Variants in DIAPH2 observed in about 807,000 individuals in gnomAD.
DIAPH2 encodes the protein diaphanous related formin 2.
Under a neutral mutation model 92.7 loss-of-function variants are expected in DIAPH2, and 35 were observed. The ratio of observed to expected loss-of-function variants is 0.38; its 90% confidence interval spans 0.29 to 0.50. The LOEUF is 0.50. Ranked by LOEUF, DIAPH2 falls within the 20% of genes least tolerant of loss-of-function variation. The pLI is 0.94. For missense variants in DIAPH2, 701 were observed against 819.5 expected, an observed-to-expected ratio of 0.86 and a Z score of 1.77; for synonymous variants, 301 against 280.4, an observed-to-expected ratio of 1.07 and a Z score of -0.73.
intron 17 of DIAPH2, among the ~76,000 whole-genome samples, chrX:97,005,715 A>G (rs1321104762): frequency 9.2e-6 from 1 of 109,083 alleles, no homozygotes; most frequent in African/African-American, 3.3e-5. Context: ...AATTTTTTGT[A>G]TTTTTGGTAG....
intron 23 of DIAPH2, among the ~76,000 whole-genome samples, chrX:97,339,068 C>T (rs1026276233): frequency 2.7e-5 from 3 of 111,682 alleles, no homozygotes; most frequent in Non-Finnish European, 5.6e-5. Context: ...TAAGTCCATA[C>T]TGTTAGTATA....
At chrX:97,055,519 G>A (rs2066550736) in intron 17 of DIAPH2, among the ~76,000 whole-genome samples, 1 of 111,412 alleles carries the variant, frequency 9.0e-6, no homozygotes, top group Admixed American at 9.5e-5. Flanking sequence ...ATATTTATTT[G>A]GAGGTCCTGT....
intron 17 of DIAPH2, among the ~76,000 whole-genome samples, chrX:97,018,762 T>A (rs912716691): frequency 8.9e-6 from 1 of 111,982 alleles, no homozygotes; most frequent in South Asian, 3.8e-4. Flanking sequence ...ATAATCAATA[T>A]TGGTACATTA....
intron 5 of DIAPH2, among the ~76,000 whole-genome samples, chrX:96,910,660 T>C (rs967694028): frequency 1.8e-5 from 2 of 111,579 alleles, no homozygotes; most frequent in Admixed American, 9.6e-5. Flanking sequence ...GCCAGTAAAT[T>C]TAATTAAATT....
intron 26 of DIAPH2, among the ~76,000 whole-genome samples, chrX:97,497,525 G>C (rs1354214440): frequency 9.1e-6 from 1 of 109,378 alleles, no homozygotes; most frequent in Non-Finnish European, 1.9e-5. Flanking sequence ...TGTAACGGAG[G>C]CCAGGCACAG....
At chrX:96,743,246 T>C (rs1273336611) in intron 3 of DIAPH2, among the ~76,000 whole-genome samples, 1 of 111,940 alleles carries the variant, frequency 8.9e-6, no homozygotes, top group East Asian at 2.8e-4. Context: ...TACTATCATA[T>C]TGTGTTATAA....
chrX:97,145,058 C>T (rs913863057), intron 22 of DIAPH2, among the ~76,000 whole-genome samples: 12 of 112,063 alleles, frequency 1.1e-4, no homozygotes, highest in Admixed American at 7.5e-4. Context: ...AGCCACCGCA[C>T]CAGGCCTGAC....
chrX:97,523,373 T>A (rs2147846574), intron 26 of DIAPH2, among the ~76,000 whole-genome samples: 1 of 111,843 alleles, frequency 8.9e-6, no homozygotes, highest in Non-Finnish European at 1.9e-5. Flanking sequence ...TAACCTCAGA[T>A]ATGGAGATAA....
intron 26 of DIAPH2, among the ~76,000 whole-genome samples, chrX:97,461,488 G>A (rs1028405301): frequency 2.7e-5 from 3 of 111,383 alleles, no homozygotes; most frequent in African/African-American, 9.8e-5. Flanking sequence ...GCTTGAACAC[G>A]CTGTTACAGA....
At chrX:96,964,782 C>T (rs1242122056) in intron 16 of DIAPH2, among the ~76,000 whole-genome samples, 1 of 110,976 alleles carries the variant, frequency 9.0e-6, no homozygotes. Context: ...TTAAAAAACC[C>T]AGGAACAAGA....
chrX:97,226,336 ACGTTTTT>A (rs2067964729), intron 22 of DIAPH2, among the ~76,000 whole-genome samples: 1 of 106,458 alleles, frequency 9.4e-6, no homozygotes, highest in African/African-American at 3.8e-5. Flanking sequence ...GAATGAGTAT[ACGTTTTT>A]TGTTTTTTGT....
At position 97,384,079 on chromosome X, in the gene DIAPH2, A is replaced by G. The variant is rs760534511; in HGVS notation, c.3145+35A>G. On this transcript the variant is annotated intron_variant, in intron 25 of 26. Coordinates refer to ENST00000324765, the MANE Select transcript of DIAPH2 (RefSeq NM_006729.5). ...TATTTCCAATTTTTACAAAAATGCA[A>G]GAAGTACAAAATAATTGCAGTTATT... 15 of 1,073,941 alleles carry G rather than the reference A, an allele frequency of 1.4e-5. No homozygotes were observed. In the South Asian group the frequency reaches 2.4e-4, roughly 17 times the overall value. 88.5% of individuals were successfully genotyped at this position (1,073,941 alleles called of 1,213,427 possible). A position where few individuals can be genotyped will look rare whatever the true frequency, so the allele number is the denominator to read the frequency against.
At chrX:97,185,482 T>TACACAC (rs1264602067) in intron 22 of DIAPH2, among the ~76,000 whole-genome samples, 6 of 8,474 alleles carry the variant, frequency 7.1e-4, no homozygotes, top group Non-Finnish European at 2.0e-3. Flanking sequence ...CACATATATA[T>TACACAC]ATATATATAT....
chrX:96,801,211 T>C (rs973218132), intron 4 of DIAPH2, among the ~76,000 whole-genome samples: 4 of 111,764 alleles, frequency 3.6e-5, no homozygotes, highest in African/African-American at 1.3e-4. Flanking sequence ...CTCTAGGGAG[T>C]TGTATTAGAG....
chrX:97,347,506 A>C (rs2069169397), intron 23 of DIAPH2, among the ~76,000 whole-genome samples: 2 of 111,090 alleles, frequency 1.8e-5, no homozygotes, highest in African/African-American at 6.5e-5. Flanking sequence ...TACTCATAAA[A>C]ATATATGAGG....
intron 5 of DIAPH2, among the ~76,000 whole-genome samples, chrX:96,897,428 A>G (rs2065352963): frequency 1.8e-5 from 2 of 110,716 alleles, no homozygotes; most frequent in Non-Finnish European, 3.8e-5. Context: ...GTCTTAGTTT[A>G]TTCCAAGTTT....
chrX:97,283,836 G>A (rs1043744291), intron 23 of DIAPH2, among the ~76,000 whole-genome samples: 10 of 112,295 alleles, frequency 8.9e-5, no homozygotes, highest in Non-Finnish European at 1.9e-5. Flanking sequence ...CAGCTACTCG[G>A]AAGGCTGAGG....
At chrX:96,793,091 T>C (rs374701428) in intron 4 of DIAPH2, among the ~76,000 whole-genome samples, 9 of 112,256 alleles carry the variant, frequency 8.0e-5, no homozygotes, top group African/African-American at 2.6e-4. Flanking sequence ...ATGGACACTA[T>C]CTGTTATGAG....
chrX:96,985,643 C>G (rs1296148282), intron 17 of DIAPH2, among the ~76,000 whole-genome samples: 1 of 110,834 alleles, frequency 9.0e-6, no homozygotes, highest in Non-Finnish European at 1.9e-5. Flanking sequence ...ACCAATATTA[C>G]TGTCTTTCTT....
Sources: gnomAD v4.1 joint callset for allele counts (sites outside exome capture counted in the v4.1 genomes callset) on GRCh38, gnomAD v4.1.1 for gene constraint, MANE v1.5 for transcripts, NCBI Gene and HGNC (gene_info 2026-07-23, HGNC 2026-07-21) for gene names.